The following SLC35D4 variants were observed in gnomAD, a reference collection of about 807,000 sequenced individuals.
SLC35D4 encodes UDP-N-acetylglucosamine transporter SLC35D4.
chr18:23,378,515 C>T, the SLC35D4 span, among the ~76,000 whole-genome samples: 1 of 152,188 alleles, frequency 6.6e-6, no homozygotes, highest in Admixed American at 6.5e-5. Context: ...GGAATATAAA[C>T]TTGGCATTTA....
the SLC35D4 span, chr18:23,252,970 T>C: frequency 6.2e-7 from 1 of 1,609,990 alleles, no homozygotes; most frequent in African/African-American, 1.3e-5. Context: ...ACAACAGTGA[T>C]TGACTACGTG....
the SLC35D4 span, among the ~76,000 whole-genome samples, chr18:23,373,227 A>G: frequency 6.6e-6 from 1 of 152,154 alleles, no homozygotes; most frequent in African/African-American, 2.4e-5. Flanking sequence ...AGGCAGGAGA[A>G]TTGCTTGAAC....
chr18:23,255,557 ATTTT>A, the SLC35D4 span, among the ~76,000 whole-genome samples: 940 of 132,512 alleles, frequency 7.1e-3, 8 homozygotes, highest in African/African-American at 0.026. Context: ...TGAACTAATG[ATTTT>A]TTTTTTTTTT....
the SLC35D4 span, among the ~76,000 whole-genome samples, chr18:23,428,882 T>A: frequency 5.3e-5 from 8 of 152,306 alleles, no homozygotes; most frequent in South Asian, 1.7e-3. Context: ...TACTATTCCA[T>A]CTTTATGTCC....
the SLC35D4 span, among the ~76,000 whole-genome samples, chr18:23,271,453 GT>G: frequency 2.6e-5 from 4 of 152,222 alleles, no homozygotes; most frequent in African/African-American, 9.6e-5. Flanking sequence ...TGGAAAGCCT[GT>G]GAGGGATCCT....
chr18:23,429,281 T>C, the SLC35D4 span, among the ~76,000 whole-genome samples: 3 of 152,226 alleles, frequency 2.0e-5, no homozygotes, highest in Admixed American at 1.3e-4. Context: ...CTGCTTTCCA[T>C]AGGGGCTAAG....
the SLC35D4 span, among the ~76,000 whole-genome samples, chr18:23,366,995 T>C: frequency 1.2e-4 from 18 of 152,262 alleles, no homozygotes; most frequent in African/African-American, 4.1e-4. Flanking sequence ...GGAAAACATA[T>C]ACCCTGTATA....
chr18:23,358,106 C>A, the SLC35D4 span, among the ~76,000 whole-genome samples: 1 of 152,200 alleles, frequency 6.6e-6, no homozygotes, highest in Non-Finnish European at 1.5e-5. Flanking sequence ...TCCATTCAGG[C>A]AAAGTGGAGG....
chr18:23,341,377 C>T, the SLC35D4 span, among the ~76,000 whole-genome samples: 2 of 152,194 alleles, frequency 1.3e-5, no homozygotes, highest in Non-Finnish European at 2.9e-5. Context: ...GACATGGATG[C>T]CTTCTCTCAG....
chr18:23,325,476 T>C, the SLC35D4 span, among the ~76,000 whole-genome samples: 1 of 152,250 alleles, frequency 6.6e-6, no homozygotes, highest in East Asian at 1.9e-4. Context: ...GCATGATTCC[T>C]GGCAGCCAAA....
At chr18:23,431,882 G>A in the SLC35D4 span, among the ~76,000 whole-genome samples, 1 of 152,098 alleles carries the variant, frequency 6.6e-6, no homozygotes, top group African/African-American at 2.4e-5. Flanking sequence ...TTTAGGCAAG[G>A]ACTCTGCTGA....
the SLC35D4 span, among the ~76,000 whole-genome samples, chr18:23,433,808 T>G: frequency 4.6e-5 from 7 of 151,474 alleles, no homozygotes; most frequent in African/African-American, 1.7e-4. Flanking sequence ...CTAAAAAAAA[T>G]GGAAATAAAC....
At chr18:23,402,485 AAAAT>A in the SLC35D4 span, among the ~76,000 whole-genome samples, 16 of 152,342 alleles carry the variant, frequency 1.1e-4, no homozygotes, top group South Asian at 2.9e-3. Flanking sequence ...GTCTTTAATT[AAAAT>A]AAATAGATTG....
chr18:23,422,789 G>A, the SLC35D4 span, among the ~76,000 whole-genome samples: 14 of 136,742 alleles, frequency 1.0e-4, no homozygotes, highest in East Asian at 2.4e-3. Flanking sequence ...CACAGTGCAG[G>A]GGCAGCACAG....
the SLC35D4 span, chr18:23,352,087 G>C: frequency 1.2e-6 from 1 of 856,110 alleles, no homozygotes; most frequent in Non-Finnish European, 1.8e-6. Context: ...CAGGGACAGC[G>C]CCTAGAAGTG....
the SLC35D4 span, among the ~76,000 whole-genome samples, chr18:23,348,042 G>A: frequency 6.6e-6 from 1 of 152,052 alleles, no homozygotes; most frequent in Non-Finnish European, 1.5e-5. Context: ...TTGTATTTCT[G>A]TTTTCATTTG....
chr18:23,306,709 C>T, the SLC35D4 span, among the ~76,000 whole-genome samples: 1 of 152,248 alleles, frequency 6.6e-6, no homozygotes, highest in East Asian at 1.9e-4. Flanking sequence ...AAACCCATTC[C>T]AAAATTTGCC....
chr18:23,332,794 T>C, the SLC35D4 span, among the ~76,000 whole-genome samples: 1 of 152,188 alleles, frequency 6.6e-6, no homozygotes, highest in East Asian at 1.9e-4. Flanking sequence ...ACATACATTA[T>C]TTTAAATAAT....
At chr18:23,309,535 A>G in the SLC35D4 span, 5 of 669,550 alleles carry the variant, frequency 7.5e-6, no homozygotes, top group East Asian at 5.4e-5. Flanking sequence ...TTTTAAAGAA[A>G]GCTTCGCTAA....
Sources: gnomAD v4.1 joint callset for allele counts (sites outside exome capture counted in the v4.1 genomes callset) on GRCh38, gnomAD v4.1.1 for gene constraint, MANE v1.5 for transcripts, NCBI Gene and HGNC (gene_info 2026-07-23, HGNC 2026-07-21) for gene names.